NOL6: variants seen among roughly 807,000 people sequenced by gnomAD.
NOL6 encodes the protein nucleolar protein 6, also known as nucleolar RNA-associated protein.
Under a neutral mutation model 131.7 loss-of-function variants are expected in NOL6, and 33 were observed. The ratio of observed to expected loss-of-function variants is 0.25; its 90% CI spans 0.19 to 0.33. NOL6 has a LOEUF of 0.33. NOL6 is among the 10% of genes least tolerant of loss of function. The probability of loss-of-function intolerance (pLI) is 1.00; values close to 1 mark genes in which losing one functional copy is unlikely to be tolerated. For synonymous variants in NOL6, 580 were observed against 605.7 expected (o/e 0.96, Z 0.62); for missense variants, 1,297 against 1,494.5 (o/e 0.87, Z 2.18).
rs554309341 is a variant in NOL6 at position 33,462,496 on chromosome 9, CAG to C, written c.*166_*167del. On this transcript the variant is annotated 3_prime_UTR_variant, in exon 26 of 26. Transcript: ENST00000297990. ...TGCCCCTGCCCCAATGCTGGAGCAT[CAG>C]AGAGAAAGTTGGGGCTGGGTTTTGT... 169 of 738,010 alleles carry C rather than the reference CAG, an allele frequency of 2.3e-4. No homozygotes were observed. The African/African-American group carries it at 2.3e-3, about 10-fold the overall frequency. The allele number at this position is 738,010 out of a possible 1,614,324, so 45.7% of individuals were successfully genotyped here.
chr9:33,467,070 C>A lies in NOL6; in HGVS notation c.1874+44G>T. 6.2e-7 allele frequency: 1 copy of A among 1,613,346 alleles called. No homozygotes were observed. The highest frequency in any genetic ancestry group is 8.5e-7 in the Non-Finnish European group (1 of 1,179,328). ...CCTGGGCCAGACCCCTGAAAAGGCTCCCCAGCCCACACTGCCTTCTGGAAT... is the reference window on the plus strand; with the variant it reads ...CCTGGGCCAGACCCCTGAAAAGGCTACCCAGCCCACACTGCCTTCTGGAAT... On this transcript the variant is annotated intron_variant, in intron 14 of 25. Transcript: ENST00000297990. The surrounding 1 kb of genome is among the most constrained non-coding windows in gnomAD (Gnocchi z 4.4).
At chr9:33,468,236 G>T in intron 10 of NOL6, 85 bp downstream of exon 10, 1 of 1,608,804 alleles carries the variant, frequency 6.2e-7, no homozygotes, top group Non-Finnish European at 8.5e-7. Context: ...CTTTGAAGAG[G>T]AGTTTCTGGG....
In NOL6 at chr9:33,469,560, A is replaced by G. The variant is rs1827351066; in HGVS notation, c.666T>C (p.Ser222=). Residue 222 remains serine, a synonymous_variant, in exon 5 of 26, where the codon AGT becomes AGC. Transcript: ENST00000297990. ...HHLAQDPLFG[S]VCFSYTNGCH... ...AGCCATTTGTGTAGGAGAAGCAAAC[A>G]CTGCCAAAGAGGGGGTCCTGGGCCA... is the stretch of plus-strand genomic sequence containing the variant. 5.6e-6 allele frequency: 9 copies of G among 1,608,830 alleles called. No individual in the cohort carries two copies. Among genetic ancestry groups the G allele is most frequent in the Middle Eastern group, 3.3e-4 (2 of 6,028 alleles).
At chr9:33,473,078 T>C (rs921668159) in intron 1 of NOL6, among the ~76,000 whole-genome samples, 1 of 151,974 alleles carries the variant, frequency 6.6e-6, no homozygotes, top group African/African-American at 2.4e-5. Flanking sequence ...CTGGGACTTC[T>C]CAAATGTCTT....
rs143770889 is a variant in NOL6, at chr9:33,470,113, G to A, written c.457C>T (p.Arg153Cys). ...QVPYAVKGCF[R>C]FLPPAQVTVV... ...GTAACCTGGGCTGGGGGCAGGAAGC[G>A]GAAACAGCCCTTCACGGCATAGGGC... Residue 153 changes from arginine (R) to cysteine (C), a missense_variant, in exon 4 of 26, where the codon CGC (arginine) becomes TGC (cysteine). Transcript: ENST00000297990. 1.5e-3 allele frequency: 2,358 copies of A among 1,613,042 alleles called. 1 individual carries two copies. The highest frequency in any genetic ancestry group is 1.8e-3 in the Non-Finnish European group (2,077 of 1,179,294).
chr9:33,467,862 A>G lies in NOL6; in HGVS notation c.1431T>C (p.Arg477=). ...IRAFDHVLHL[R]PLSRLQAACH... ...ACGCTGCCTGCAGGCGACTCAGTGG[A>G]CGGAGACTGGAGGGGTACAAAGGGC... The change falls in exon 12 of 26, where the codon CGT becomes CGC. Residue 477 remains arginine, a synonymous_variant. Transcript: ENST00000297990. The surrounding 1 kb of genome is among the most constrained non-coding windows in gnomAD (Gnocchi z 4.4). 1 of 1,589,352 alleles carries G rather than the reference A, an allele frequency of 6.3e-7. No homozygotes were observed. The highest frequency in any genetic ancestry group is 1.3e-5 in the African/African-American group (1 of 74,430).
In NOL6 at chr9:33,466,314, T is replaced by C. The variant is rs983461654; in HGVS notation, c.2203A>G (p.Met735Val). 2.1e-5 allele frequency: 34 copies of C among 1,613,940 alleles called. 1 individual carries two copies. Among genetic ancestry groups the C allele is most frequent in the South Asian group, 4.4e-5 (4 of 91,088 alleles). The change falls in exon 17 of 26, where the codon ATG becomes GTG. Residue 735 changes from methionine to valine, a missense_variant. Physicochemically the swap from Met to Val is conservative, Grantham distance 21 (BLOSUM62 1). Coordinates refer to ENST00000297990, the MANE Select transcript of NOL6 (RefSeq NM_022917.5). Reference protein sequence around the residue: ...DKPCPAYVEPMTVVCHLEGSG... With the variant: ...DKPCPAYVEPVTVVCHLEGSG... ...CTCCCAAGGGCCCTCTTACCGGTCA[T>C]GGGCTCCACGTAGGCCGGACAGGGC...
At position 33,473,895 on chromosome 9, in the gene NOL6, T is replaced by C. The variant is rs2777744; in HGVS notation, c.-53A>G. 2.5e-6 allele frequency: 4 copies of C among 1,599,098 alleles called. No individual in the cohort carries two copies. The highest frequency in any genetic ancestry group is 3.4e-5 in the Admixed American group (2 of 59,348). ...TTCAGATTCTAGCCGGGTCTATACC[T>C]CATAGCTTCCCACGTGGGCGGAAAT... On this transcript the variant is annotated 5_prime_UTR_variant, in exon 1 of 26. Transcript: ENST00000297990.
rs1449095897 is a variant in NOL6, at chr9:33,462,111, T to C, written c.*553A>G. 10 of 717,034 alleles carry C rather than the reference T, an allele frequency of 1.4e-5. No homozygotes were observed. Among genetic ancestry groups the C allele is most frequent in the Non-Finnish European group, 2.1e-5 (8 of 384,844 alleles). The allele number at this position is 717,034 out of a possible 1,614,324, so 44.4% of individuals were successfully genotyped here. On this transcript the variant is annotated 3_prime_UTR_variant, in exon 26 of 26. Transcript: ENST00000297990. Reference sequence around the variant, plus strand: ...GAAGTGGCATCAACACAGGAGGGCATTGTGCTCCTTCAATGTGGTCTATTC... The same window carrying C: ...GAAGTGGCATCAACACAGGAGGGCACTGTGCTCCTTCAATGTGGTCTATTC...
Position 33,469,566 on chromosome 9 carries a change from A to C in NOL6, c.660T>G (p.Phe220Leu). 2 of 1,608,556 alleles carry C rather than the reference A, an allele frequency of 1.2e-6. No individual in the cohort carries two copies. The highest frequency in any genetic ancestry group is 2.7e-5 in the African/African-American group (2 of 74,598). Residue 220 changes from phenylalanine to leucine, a missense_variant, in exon 5 of 26, where the codon TTT (phenylalanine) becomes TTG (leucine). Physicochemically the swap from Phe to Leu is conservative, Grantham distance 22. Transcript: ENST00000297990. ...TTGTGTAGGAGAAGCAAACACTGCC[A>C]AAGAGGGGGTCCTGGGCCAGGTGGT... ...LAHHLAQDPL[F>L]GSVCFSYTNG...
rs548412895 is a variant in NOL6, at chr9:33,462,350, G to A, written c.*314C>T. On this transcript the variant is annotated 3_prime_UTR_variant, in exon 26 of 26. Transcript: ENST00000297990. ...AAGACTAAGAAAGGAGTGGGAAATC[G>A]CAGGGAGGTCCAGGCCCAGGGCTAA... 1.5e-5 allele frequency: 10 copies of A among 662,412 alleles called. No individual in the cohort carries two copies. The highest frequency in any genetic ancestry group is 8.4e-5 in the South Asian group (5 of 59,212). The allele number at this position is 662,412 out of a possible 1,614,324, so 41.0% of individuals were successfully genotyped here.
intron 5 of NOL6, 25 bp from the exon 6 acceptor site, chr9:33,469,366 A>C: frequency 6.2e-7 from 1 of 1,613,598 alleles, no homozygotes; most frequent in Non-Finnish European, 8.5e-7. Flanking sequence ...GAGTGCTGAG[A>C]CTCTGCAGGA....
rs1827438897 is a variant in NOL6, at chr9:33,472,422, G to C, written c.55-10C>G. 1 of 1,610,944 alleles carries C rather than the reference G, an allele frequency of 6.2e-7. No homozygotes were observed. The highest frequency in any genetic ancestry group is 8.5e-7 in the Non-Finnish European group (1 of 1,178,404). ...GGGCTGGTTCCATCACCTGTGGCCA[G>C]TGAGGGAGAAGCCATTTTGAGGTAA... On this transcript the variant is annotated splice_polypyrimidine_tract_variant and intron_variant, in intron 1 of 25. Transcript: ENST00000297990.
intron 23 of NOL6, 71 bp from the exon 24 acceptor site, chr9:33,463,512 A>G: frequency 7.2e-7 from 1 of 1,390,118 alleles, no homozygotes; most frequent in Non-Finnish European, 9.8e-7. Flanking sequence ...ACCTCTCCAC[A>G]CGCCCACCTT....
At position 33,466,624 on chromosome 9, in the gene NOL6, A is replaced by T. The variant is rs1489604561; in HGVS notation, c.2036T>A (p.Leu679His). 5.0e-6 allele frequency: 8 copies of T among 1,613,986 alleles called. No homozygotes were observed. Among genetic ancestry groups the T allele is most frequent in the Non-Finnish European group, 6.8e-6 (8 of 1,180,028 alleles). ...LSRLLWGLEGLPLTVSAVQGA... is the reference protein window; with the variant it reads ...LSRLLWGLEGHPLTVSAVQGA... ...CTGAACAGCAGACACGGTCAGTGGG[A>T]GACCCTCTAGCCCCCACAGTAGGCG... The change falls in exon 16 of 26, where the codon CTC (leucine) becomes CAC (histidine). Residue 679 changes from leucine to histidine, a missense_variant. Leu to His is a moderately conservative substitution (Grantham distance 99). Coordinates refer to ENST00000297990, the MANE Select transcript of NOL6 (RefSeq NM_022917.5).
intron 19 of NOL6, 97 bp downstream of exon 19, chr9:33,465,637 G>C: frequency 1.5e-6 from 2 of 1,337,846 alleles, no homozygotes; most frequent in East Asian, 5.0e-5. Flanking sequence ...CCCTAACTAT[G>C]ATACCATCTG....
rs764012150 is a variant in NOL6 at position 33,472,089 on chromosome 9, G to A, written c.293C>T (p.Ser98Leu). 1.5e-5 allele frequency: 25 copies of A among 1,613,998 alleles called. No homozygotes were observed. In the South Asian group the frequency reaches 2.3e-4, roughly 15 times the overall value. The change falls in exon 3 of 26, where the codon TCA becomes TTA. Residue 98 changes from serine to leucine, a missense_variant. By Grantham distance (145) the Ser-to-Leu change is moderately radical (BLOSUM62 -2). Transcript: ENST00000297990. ...ATCAATCCGATCCTTCTTCTTCTCT[G>A]ACAGCCTTACTTCCTTTAGTAGCTC... Reference protein sequence around the residue: ...VEELLKEVRLSEKKKDRIDAF... With the variant: ...VEELLKEVRLLEKKKDRIDAF...
At chr9:33,471,973 G>T in intron 3 of NOL6, 31 bp downstream of exon 3, 2 of 1,510,024 alleles carry the variant, frequency 1.3e-6, no homozygotes, top group Non-Finnish European at 1.8e-6. Context: ...GTCTCTCTTG[G>T]GCTTCCCAGT....
intron 20 of NOL6, 30 bp from the exon 21 acceptor site, chr9:33,465,006 G>C (rs969477804): frequency 1.3e-6 from 2 of 1,573,534 alleles, no homozygotes; most frequent in African/African-American, 2.7e-5. Context: ...AAAGAATCCA[G>C]GGCCCAGCCA....
Sources: gnomAD v4.1 joint callset for allele counts (sites outside exome capture counted in the v4.1 genomes callset) on GRCh38, gnomAD v4.1.1 for gene constraint, Gnocchi (gnomAD v3.1) non-coding constraint, MANE v1.5 for transcripts, NCBI Gene and HGNC (gene_info 2026-07-23, HGNC 2026-07-21) for gene names.